The following DAP variants were observed in gnomAD, a reference collection of about 807,000 sequenced individuals.
DAP encodes the protein death-associated protein 1.
A neutral mutation model predicts 13.8 loss-of-function variants in DAP; 8 were observed. That is an observed-to-expected ratio of 0.58 (90% confidence interval 0.34 to 1.05). The LOEUF is 1.05. Among genes scored for constraint, DAP ranks in the 50% least tolerant of loss-of-function variants. The pLI, the probability that DAP is intolerant of heterozygous loss-of-function variation, is 0.03. For synonymous variants in DAP, 47 were observed against 47.5 expected, an observed-to-expected ratio of 0.99 and a Z score of 0.04; for missense variants, 106 against 133.2, an observed-to-expected ratio of 0.80 and a Z score of 1.01.
At chr5:10,722,595 C>CAT (rs769043637) in intron 2 of DAP, among the ~76,000 whole-genome samples, 3 of 142,854 alleles carry the variant, frequency 2.1e-5, no homozygotes, top group South Asian at 2.2e-4. Flanking sequence ...TACATATATA[C>CAT]ATATATATAC....
At chr5:10,737,206 A>G (rs1579814140) in intron 2 of DAP, among the ~76,000 whole-genome samples, 1 of 152,232 alleles carries the variant, frequency 6.6e-6, no homozygotes, top group East Asian at 1.9e-4. Context: ...TTAGCTGGGC[A>G]TGGTGGCATG....
In DAP at chr5:10,681,157, A is replaced by T. The variant is rs143260700; in HGVS notation, c.208T>A (p.Phe70Ile). Reference protein sequence around the residue: ...SGVIARGDKDFPPAAAQVAHQ... With the variant: ...SGVIARGDKDIPPAAAQVAHQ... ...GCCACCTGCGCAGCCGCCGGGGGGA[A>T]ATCTTTGTCACCCTGTCAGGAAACA... The change falls in exon 4 of 4, where the codon TTC becomes ATC. Residue 70 changes from phenylalanine (F) to isoleucine (I), a missense_variant. Transcript: ENST00000230895. 47 of 1,510,356 alleles carry T rather than the reference A, an allele frequency of 3.1e-5. No homozygotes were observed. In the African/African-American group the frequency reaches 5.7e-4, roughly 18 times the overall value. 93.6% of individuals were successfully genotyped at this position (1,510,356 alleles called of 1,614,324 possible). A position where few individuals can be genotyped will look rare whatever the true frequency, so the allele number is the denominator to read the frequency against.
At position 10,710,872 on chromosome 5, in the gene DAP, G is replaced by T. The variant is rs5745238; in HGVS notation, c.153-27301C>A. Among the ~76,000 whole-genome samples the T allele has an allele frequency of 5.5e-3, 837 of 152,294 alleles. 2 individuals carry two copies. The highest frequency in any genetic ancestry group is 0.01 in the Middle Eastern group (3 of 294). ...GTATCTCAGGCATCTGCATCAAGCTGCCCAGTTAGCAATACCAAGCTGAGC... is the reference window on the plus strand; with the variant it reads ...GTATCTCAGGCATCTGCATCAAGCTTCCCAGTTAGCAATACCAAGCTGAGC... On this transcript the variant is annotated intron_variant, in intron 2 of 3. Transcript: ENST00000230895.
rs1740337825 is a variant in DAP, at chr5:10,761,017, C to A, written c.52G>T (p.Ala18Ser). 1 of 1,211,928 alleles carries A rather than the reference C, an allele frequency of 8.3e-7. No homozygotes were observed. The highest frequency in any genetic ancestry group is 1.0e-6 in the Non-Finnish European group (1 of 963,992). 75.1% of individuals were successfully genotyped at this position (1,211,928 alleles called of 1,614,324 possible). ...KLETKAGHPP[A>S]VKAGGMRIVQ... ...GAGAGAGGAAAAGAGTCAGTACCGGCGGGCGGGTGTCCAGCTTTAGTCTCT... is the reference window on the plus strand; with the variant it reads ...GAGAGAGGAAAAGAGTCAGTACCGGAGGGCGGGTGTCCAGCTTTAGTCTCT... Residue 18 changes from alanine (A) to serine (S), a missense_variant, in exon 1 of 4, where the codon GCC becomes TCC. Coordinates refer to ENST00000230895, the MANE Select transcript of DAP (RefSeq NM_004394.3).
At chr5:10,683,809 G>C (rs1738092294) in intron 2 of DAP, among the ~76,000 whole-genome samples, 1 of 152,158 alleles carries the variant, frequency 6.6e-6, no homozygotes, top group South Asian at 2.1e-4. Context: ...CCAACTGCGA[G>C]TGAATTGCCT....
chr5:10,735,119 A>G (rs1214885943), intron 2 of DAP, among the ~76,000 whole-genome samples: 1 of 152,200 alleles, frequency 6.6e-6, no homozygotes, highest in Non-Finnish European at 1.5e-5. Flanking sequence ...CTGTGCTCAG[A>G]TGATGAATTT....
At chr5:10,759,904 G>A (rs1239120957) in intron 1 of DAP, among the ~76,000 whole-genome samples, 1 of 151,824 alleles carries the variant, frequency 6.6e-6, no homozygotes, top group Non-Finnish European at 1.5e-5. Context: ...ACAGGCGCCC[G>A]CCACCATGCC....
chr5:10,718,422 T>C (rs909473478), intron 2 of DAP, among the ~76,000 whole-genome samples: 1 of 152,166 alleles, frequency 6.6e-6, no homozygotes, highest in African/African-American at 2.4e-5. Context: ...AGGGCTATTA[T>C]GGTGGGAAAG....
In DAP at chr5:10,748,274, GA is replaced by G; in HGVS notation, c.56-4del. ...AATTCGCATTCCACCAGCTTTCACT[GA>G]AATGAAAACAGAGAGTGTGGGATTA... On this transcript the variant is annotated splice_region_variant and splice_polypyrimidine_tract_variant and intron_variant, in intron 1 of 3. Coordinates refer to ENST00000230895, the MANE Select transcript of DAP (RefSeq NM_004394.3). 6.2e-7 allele frequency: 1 copy of G among 1,612,348 alleles called. No homozygotes were observed. The highest frequency in any genetic ancestry group is 8.5e-7 in the Non-Finnish European group (1 of 1,178,372).
intron 2 of DAP, among the ~76,000 whole-genome samples, chr5:10,729,042 C>T (rs1323350074): frequency 6.6e-6 from 1 of 152,178 alleles, no homozygotes; most frequent in Non-Finnish European, 1.5e-5. Context: ...TTGACAACAT[C>T]CATGTTGTTA....
At chr5:10,698,384 G>A (rs1348110666) in intron 2 of DAP, among the ~76,000 whole-genome samples, 1 of 151,638 alleles carries the variant, frequency 6.6e-6, no homozygotes, top group Non-Finnish European at 1.5e-5. Flanking sequence ...TAGTGAGTTG[G>A]GATAACTTAC....
intron 2 of DAP, among the ~76,000 whole-genome samples, chr5:10,703,887 GC>G (rs760097855): frequency 3.9e-5 from 6 of 152,258 alleles, no homozygotes; most frequent in Non-Finnish European, 8.8e-5. Flanking sequence ...CTTGCTGGGG[GC>G]CAGGCACTGG....
At chr5:10,722,382 C>G (rs892668704) in intron 2 of DAP, among the ~76,000 whole-genome samples, 1 of 152,088 alleles carries the variant, frequency 6.6e-6, no homozygotes, top group Non-Finnish European at 1.5e-5. Context: ...ACTCCAAGTT[C>G]TTCAGTTTTG....
chr5:10,683,515 A>G lies in DAP; in HGVS notation c.195+14T>C, dbSNP rs5745290. 102,318 of 1,613,160 alleles carry G rather than the reference A, an allele frequency of 0.063. 4,099 individuals are homozygous for G. The highest frequency in any genetic ancestry group is 0.17 in the African/African-American group (13,092 of 74,856). On this transcript the variant is annotated intron_variant, in intron 3 of 3. Transcript: ENST00000230895. ...CAAAAGCCTCAAACCCACCGCAGAC[A>G]CTCCCAGACTTACCCGGGCGATGAC...
chr5:10,712,522 T>G (rs1450235773), intron 2 of DAP, among the ~76,000 whole-genome samples: 5 of 152,254 alleles, frequency 3.3e-5, no homozygotes, highest in African/African-American at 1.2e-4. Flanking sequence ...AGAGGAGGAC[T>G]GAGCACGGTG....
At chr5:10,733,557 T>A (rs1324269933) in intron 2 of DAP, among the ~76,000 whole-genome samples, 1 of 152,206 alleles carries the variant, frequency 6.6e-6, no homozygotes, top group South Asian at 2.1e-4. Context: ...TCTATGAGAA[T>A]CCCTTGGGTA....
At chr5:10,745,876 T>G (rs1471961865) in intron 2 of DAP, among the ~76,000 whole-genome samples, 2 of 152,182 alleles carry the variant, frequency 1.3e-5, no homozygotes, top group Non-Finnish European at 2.9e-5. Flanking sequence ...ACACCCCAGG[T>G]TTCCTAGAGG....
chr5:10,689,378 C>A (rs951816542), intron 2 of DAP, among the ~76,000 whole-genome samples: 5 of 152,174 alleles, frequency 3.3e-5, no homozygotes, highest in African/African-American at 9.7e-5. Flanking sequence ...ACCCTCCCCC[C>A]ACAGGCCCAG....
intron 2 of DAP, among the ~76,000 whole-genome samples, chr5:10,710,907 T>A (rs2126651733): frequency 6.6e-6 from 1 of 152,004 alleles, no homozygotes; most frequent in South Asian, 2.1e-4. Flanking sequence ...CCAGGGGAAG[T>A]GGTGAGGGCT....
Sources: gnomAD v4.1 joint callset for allele counts (sites outside exome capture counted in the v4.1 genomes callset) on GRCh38, gnomAD v4.1.1 for gene constraint, MANE v1.5 for transcripts, NCBI Gene and HGNC (gene_info 2026-07-23, HGNC 2026-07-21) for gene names.